The following SLC9A9 variants were observed in gnomAD, a reference collection of about 807,000 sequenced individuals.
SLC9A9 encodes solute carrier family 9 member A9, also known as sodium/hydrogen exchanger 9.
SLC9A9 carries 62 observed loss-of-function variants against 77.8 expected under a neutral mutation model. That is an observed-to-expected ratio of 0.80 (90% CI 0.65 to 0.98). The LOEUF (loss-of-function observed/expected upper bound fraction) is 0.98. Ranked by LOEUF, SLC9A9 falls within the 50% of genes least tolerant of loss-of-function variation. The pLI, the probability that SLC9A9 is intolerant of heterozygous loss-of-function variation, is 0.00. For synonymous variants in SLC9A9, 320 were observed against 283.5 expected, an observed-to-expected ratio of 1.13 and a Z score of -1.29; for missense variants, 775 against 774.9, an observed-to-expected ratio of 1.00 and a Z score of 0.00.
intron 11 of SLC9A9, among the ~76,000 whole-genome samples, chr3:143,488,417 C>T (rs2035686307): frequency 6.6e-6 from 1 of 151,998 alleles, no homozygotes; most frequent in Non-Finnish European, 1.5e-5. Context: ...GCCAGCATTA[C>T]TCTGATATCA....
intron 2 of SLC9A9, among the ~76,000 whole-genome samples, chr3:143,825,111 T>C (rs2009265727): frequency 1.3e-5 from 2 of 152,200 alleles, no homozygotes; most frequent in Admixed American, 1.3e-4. Flanking sequence ...TGCTGATTTA[T>C]CATCATGAAG....
chr3:143,293,270 G>C (rs1011211185), intron 14 of SLC9A9, among the ~76,000 whole-genome samples: 24 of 152,184 alleles, frequency 1.6e-4, no homozygotes, highest in African/African-American at 5.8e-4. Flanking sequence ...TGTATGCATT[G>C]GTTCAGGCAG....
At chr3:143,500,165 T>G (rs1234116460) in intron 9 of SLC9A9, among the ~76,000 whole-genome samples, 1 of 152,176 alleles carries the variant, frequency 6.6e-6, no homozygotes, top group Non-Finnish European at 1.5e-5. Context: ...TTAATAAATA[T>G]GGGCTTAGTC....
At position 143,623,597 on chromosome 3, in the gene SLC9A9, T is replaced by C. The variant is rs375596355; in HGVS notation, c.755+28658A>G. Among the ~76,000 whole-genome samples the C allele has an allele frequency of 9.2e-5, 14 of 152,128 alleles. No homozygotes were observed. In the South Asian group the frequency reaches 1.5e-3, roughly 16 times the overall value. ...CAAAGACACAACATACCAGAATCTC[T>C]GGGACACATTCAAAGCAGTGTGTAG... On this transcript the variant is annotated intron_variant, in intron 6 of 15. Coordinates refer to ENST00000316549, the MANE Select transcript of SLC9A9 (RefSeq NM_173653.4).
chr3:143,741,335 G>A (rs1042222775), intron 4 of SLC9A9, among the ~76,000 whole-genome samples: 5 of 151,902 alleles, frequency 3.3e-5, no homozygotes, highest in Admixed American at 2.0e-4. Context: ...AAATACCAAC[G>A]GCCAAAGCTA....
chr3:143,505,607 C>G (rs1308560909), intron 9 of SLC9A9, among the ~76,000 whole-genome samples: 1 of 152,164 alleles, frequency 6.6e-6, no homozygotes, highest in Admixed American at 6.5e-5. Flanking sequence ...CCTATGCACT[C>G]CTGCTTGCTA....
intron 9 of SLC9A9, among the ~76,000 whole-genome samples, chr3:143,539,771 T>C (rs2036654461): frequency 6.6e-6 from 1 of 152,182 alleles, no homozygotes; most frequent in Non-Finnish European, 1.5e-5. Context: ...TATAAAATTT[T>C]CCATTATGCA....
At chr3:143,394,861 G>C (rs984520074) in intron 12 of SLC9A9, among the ~76,000 whole-genome samples, 33 of 152,080 alleles carry the variant, frequency 2.2e-4, no homozygotes, top group Non-Finnish European at 3.8e-4. Flanking sequence ...GCTTCAAAGA[G>C]AATAAAATAC....
chr3:143,308,891 G>A (rs558288611), intron 14 of SLC9A9, among the ~76,000 whole-genome samples: 3 of 152,162 alleles, frequency 2.0e-5, no homozygotes, highest in Non-Finnish European at 4.4e-5. Flanking sequence ...TGACACTGAA[G>A]TGTATCTGGT....
intron 6 of SLC9A9, among the ~76,000 whole-genome samples, chr3:143,601,468 A>G (rs56156616): frequency 0.16 from 24,257 of 152,166 alleles, 2,249 homozygotes; most frequent in African/African-American, 0.24. Flanking sequence ...GTCAAGTTGA[A>G]TGACTTGGCG....
intron 6 of SLC9A9, among the ~76,000 whole-genome samples, chr3:143,640,389 G>A (rs1210884232): frequency 6.6e-6 from 1 of 152,110 alleles, no homozygotes; most frequent in Non-Finnish European, 1.5e-5. Context: ...TGTATTTAGT[G>A]CAAGTCATTC....
intron 5 of SLC9A9, among the ~76,000 whole-genome samples, chr3:143,653,499 G>A (rs1345170): frequency 0.089 from 13,555 of 152,168 alleles, 608 homozygotes; most frequent in African/African-American, 0.11. Context: ...CATGGGTGGT[G>A]AGGTTAGTAA....
chr3:143,517,763 C>G, intron 9 of SLC9A9: 4 of 1,598,424 alleles, frequency 2.5e-6, no homozygotes, highest in Non-Finnish European at 3.4e-6. Flanking sequence ...GACGAAGACA[C>G]TGGCCCTCTT....
chr3:143,596,547 C>T (rs1255056480), intron 6 of SLC9A9, among the ~76,000 whole-genome samples: 2 of 152,092 alleles, frequency 1.3e-5, no homozygotes, highest in Non-Finnish European at 2.9e-5. Flanking sequence ...CTGTTTTTAT[C>T]AAGGATATGG....
chr3:143,504,292 C>G (rs1383420388), intron 9 of SLC9A9: 1 of 215,992 alleles, frequency 4.6e-6, no homozygotes, highest in Non-Finnish European at 9.3e-6. Context: ...AGGGATGTGG[C>G]TGGGGTTGCA....
chr3:143,353,157 C>G (rs1005837153), intron 14 of SLC9A9, among the ~76,000 whole-genome samples: 9 of 152,172 alleles, frequency 5.9e-5, no homozygotes, highest in Non-Finnish European at 1.0e-4. Context: ...TTACAGATTC[C>G]TACTCTTTTA....
intron 5 of SLC9A9, among the ~76,000 whole-genome samples, chr3:143,683,328 C>A (rs997349907): frequency 6.6e-6 from 1 of 152,034 alleles, no homozygotes; most frequent in African/African-American, 2.4e-5. Context: ...CTTTCACTTA[C>A]AGAAATATGA....
intron 4 of SLC9A9, among the ~76,000 whole-genome samples, chr3:143,767,402 G>GTA (rs2007359821): frequency 6.6e-6 from 1 of 151,930 alleles, no homozygotes; most frequent in South Asian, 2.1e-4. Flanking sequence ...GTGTGTGTGT[G>GTA]TGTGTGTGTG....
intron 12 of SLC9A9, among the ~76,000 whole-genome samples, chr3:143,461,696 T>C (rs2035196107): frequency 6.6e-6 from 1 of 152,212 alleles, no homozygotes; most frequent in Non-Finnish European, 1.5e-5. Flanking sequence ...AGTATATGTG[T>C]GTATTGATAG....
Sources: gnomAD v4.1 joint callset for allele counts (sites outside exome capture counted in the v4.1 genomes callset) on GRCh38, gnomAD v4.1.1 for gene constraint, MANE v1.5 for transcripts, NCBI Gene and HGNC (gene_info 2026-07-23, HGNC 2026-07-21) for gene names.